The following GPD1L variants were observed in gnomAD, a reference collection of about 807,000 sequenced individuals.
The protein encoded by GPD1L is glycerol-3-phosphate dehydrogenase 1-like protein.
Under a neutral mutation model 32.9 loss-of-function variants are expected in GPD1L, and 17 were observed. That is an observed-to-expected ratio of 0.52 (90% CI 0.35 to 0.78). The LOEUF (loss-of-function observed/expected upper bound fraction) is 0.78. Among genes scored for constraint, GPD1L ranks in the 30% least tolerant of loss-of-function variants. GPD1L has a pLI of 0.01. For missense variants in GPD1L, 361 were observed against 447.8 expected, an observed-to-expected ratio of 0.81 and a Z score of 1.75; for synonymous variants, 187 against 165.9, an observed-to-expected ratio of 1.13 and a Z score of -0.98.
intron 4 of GPD1L, 57 bp from the exon 5 acceptor site, chr3:32,146,565 G>A (rs751143577): frequency 1.3e-5 from 12 of 937,970 alleles, no homozygotes; most frequent in South Asian, 1.0e-4. Flanking sequence ...TGTATTAGGT[G>A]TGAAAATTAA....
At chr3:32,112,225 C>G (rs1700262934) in intron 1 of GPD1L, among the ~76,000 whole-genome samples, 1 of 150,786 alleles carries the variant, frequency 6.6e-6, no homozygotes, top group Non-Finnish European at 1.5e-5. Flanking sequence ...TGCCTATAAC[C>G]TCAATACTTT....
Position 32,106,722 on chromosome 3 carries a change from C to T in GPD1L, c.11C>T (p.Ala4Val), listed in dbSNP as rs201152084. 3.1e-5 allele frequency: 48 copies of T among 1,563,388 alleles called. No individual in the cohort carries two copies. The highest frequency in any genetic ancestry group is 4.0e-5 in the Non-Finnish European group (46 of 1,155,962). MAA[A>V]PLKVCIVGSG... ...ACATTCGGCCCGGCCATGGCAGCGG[C>T]GCCCCTGAAAGTGTGCATCGTGGGC... is the stretch of plus-strand genomic sequence containing the variant. The change falls in exon 1 of 8, where the codon GCG becomes GTG. Residue 4 changes from alanine to valine, a missense_variant. Coordinates refer to ENST00000282541, the MANE Select transcript of GPD1L (RefSeq NM_015141.4). The surrounding 1 kb of genome is among the most constrained non-coding windows in gnomAD (Gnocchi z 4.0).
intron 1 of GPD1L, among the ~76,000 whole-genome samples, chr3:32,112,682 A>C (rs1040985193): frequency 2.0e-5 from 3 of 152,218 alleles, no homozygotes; most frequent in Non-Finnish European, 4.4e-5. Flanking sequence ...TCTAGGAATG[A>C]GTCGAGAGCT....
chr3:32,114,649 G>A (rs770521487), intron 1 of GPD1L, among the ~76,000 whole-genome samples: 14 of 152,186 alleles, frequency 9.2e-5, no homozygotes, highest in Admixed American at 9.2e-4. Context: ...TCCGGACTTG[G>A]TTCCTTCCGG....
At chr3:32,117,844 C>A (rs1333671058) in intron 1 of GPD1L, among the ~76,000 whole-genome samples, 1 of 152,188 alleles carries the variant, frequency 6.6e-6, no homozygotes, top group African/African-American at 2.4e-5. Context: ...CAGGTAGATT[C>A]TCCTGCTACC....
chr3:32,128,147 T>G lies in GPD1L; in HGVS notation c.119T>G (p.Met40Arg), dbSNP rs1700538814. The G allele has an allele frequency of 1.9e-6, 3 of 1,611,830 alleles. No individual in the cohort carries two copies. Among genetic ancestry groups the G allele is most frequent in the Non-Finnish European group, 2.5e-6 (3 of 1,177,896 alleles). The change falls in exon 2 of 8, where the codon ATG (methionine) becomes AGG (arginine). Residue 40 changes from methionine to arginine, a missense_variant. Coordinates refer to ENST00000282541, the MANE Select transcript of GPD1L (RefSeq NM_015141.4). ...KLQKFASTVK[M>R]WVFEETVNGR... ...CAGAAATTTGCCTCCACAGTCAAGA[T>G]GTGGGTCTTTGAAGAAACAGTGAAT...
chr3:32,119,973 A>G (rs188043470), intron 1 of GPD1L, among the ~76,000 whole-genome samples: 2 of 152,336 alleles, frequency 1.3e-5, no homozygotes, highest in South Asian at 2.1e-4. Context: ...TCAACCTAAA[A>G]TAATCAAAAA....
chr3:32,140,214 T>C lies in GPD1L; in HGVS notation c.367-14T>C. 1 of 1,613,960 alleles carries C rather than the reference T, an allele frequency of 6.2e-7. No individual in the cohort carries two copies. The highest frequency in any genetic ancestry group is 8.5e-7 in the Non-Finnish European group (1 of 1,179,948). On this transcript the variant is annotated splice_polypyrimidine_tract_variant and intron_variant, in intron 3 of 7. Transcript: ENST00000282541. ...GGCGGTTTGTTCTCTCCTAACTTCT[T>C]GGCATCCTTGTAGGGCATAGACGAG... is the stretch of plus-strand genomic sequence containing the variant.
At chr3:32,129,400 A>G (rs1174202844) in intron 2 of GPD1L, among the ~76,000 whole-genome samples, 2 of 152,190 alleles carry the variant, frequency 1.3e-5, no homozygotes, top group African/African-American at 4.8e-5. Flanking sequence ...TTTTAGTTAC[A>G]GTGTTCGTTA....
chr3:32,112,530 G>T (rs540762717), intron 1 of GPD1L, among the ~76,000 whole-genome samples: 2 of 152,122 alleles, frequency 1.3e-5, no homozygotes, highest in African/African-American at 4.8e-5. Flanking sequence ...CCACCCACTT[G>T]GGAGGCTAAG....
chr3:32,129,253 C>T (rs1479719735), intron 2 of GPD1L, among the ~76,000 whole-genome samples: 1 of 152,154 alleles, frequency 6.6e-6, no homozygotes, highest in African/African-American at 2.4e-5. Flanking sequence ...ATTCACTCAC[C>T]AAACCTTATG....
At chr3:32,110,598 G>A (rs772603790) in intron 1 of GPD1L, among the ~76,000 whole-genome samples, 1 of 152,232 alleles carries the variant, frequency 6.6e-6, no homozygotes, top group East Asian at 1.9e-4. Context: ...CAGCCAGGAA[G>A]GTCCTGGGCA....
At chr3:32,121,770 T>C (rs1191708045) in intron 1 of GPD1L, among the ~76,000 whole-genome samples, 1 of 139,658 alleles carries the variant, frequency 7.2e-6, no homozygotes, top group African/African-American at 2.6e-5. Context: ...TATATTTCTA[T>C]ATATATATAT....
At chr3:32,149,730 G>C (rs76225107) in intron 5 of GPD1L, among the ~76,000 whole-genome samples, 1 of 152,064 alleles carries the variant, frequency 6.6e-6, no homozygotes, top group African/African-American at 2.4e-5. Context: ...GGTGGATCAC[G>C]TGAGTATGGG....
chr3:32,138,634 G>A lies in GPD1L; in HGVS notation c.273G>A (p.Leu91=). The part of the protein sequence containing the change: ...LSEAVQDADL[L]VFVIPHQFIH... ...AGGCTGTGCAGGATGCAGACCTGCTGGTGTTTGTCATTCCCCACCAGTTCA... is the reference window on the plus strand; with the variant it reads ...AGGCTGTGCAGGATGCAGACCTGCTAGTGTTTGTCATTCCCCACCAGTTCA... The change falls in exon 3 of 8, where the codon CTG becomes CTA. Residue 91 remains leucine (L), a synonymous_variant. Transcript: ENST00000282541. The A allele has an allele frequency of 6.2e-7, 1 of 1,613,856 alleles. No individual in the cohort carries two copies. Among genetic ancestry groups the A allele is most frequent in the Non-Finnish European group, 8.5e-7 (1 of 1,179,800 alleles).
At position 32,117,315 on chromosome 3, in the gene GPD1L, T is replaced by A. The variant is rs181954763; in HGVS notation, c.47+10557T>A. Among the ~76,000 whole-genome samples, 9 of 152,356 alleles carry A rather than the reference T, an allele frequency of 5.9e-5. No individual in the cohort carries two copies. The East Asian group carries it at 1.3e-3, about 23-fold the overall frequency. On this transcript the variant is annotated intron_variant, in intron 1 of 7. Coordinates refer to ENST00000282541, the MANE Select transcript of GPD1L (RefSeq NM_015141.4). Reference sequence around the variant, plus strand: ...AGCCAGAACAATACATGAGAAATAATTTAGTCATGATTTCTTATTTCATTT... The same window carrying A: ...AGCCAGAACAATACATGAGAAATAAATTAGTCATGATTTCTTATTTCATTT...
intron 1 of GPD1L, among the ~76,000 whole-genome samples, chr3:32,111,796 G>C (rs1373172128): frequency 6.6e-6 from 1 of 151,724 alleles, no homozygotes; most frequent in Non-Finnish European, 1.5e-5. Context: ...GATGACTGAA[G>C]CTGGACCTGT....
At chr3:32,115,083 A>G (rs996936208) in intron 1 of GPD1L, among the ~76,000 whole-genome samples, 1 of 152,246 alleles carries the variant, frequency 6.6e-6, no homozygotes, top group Non-Finnish European at 1.5e-5. Flanking sequence ...TGGGGTGGCC[A>G]GCTTCTATTC....
Position 32,134,610 on chromosome 3 carries a change from C to G in GPD1L, c.226-3977C>G, listed in dbSNP as rs150081902. Among the ~76,000 whole-genome samples the G allele has an allele frequency of 5.8e-3, 889 of 152,290 alleles. 9 individuals carry two copies. Among genetic ancestry groups the G allele is most frequent in the African/African-American group, 0.02 (816 of 41,560 alleles). ...CAAGTGATCCTCCCACCTCAACTTC[C>G]CAAGTAGCTGGGACCACAGGCACTC... is the stretch of plus-strand genomic sequence containing the variant. On this transcript the variant is annotated intron_variant, in intron 2 of 7. Coordinates refer to ENST00000282541, the MANE Select transcript of GPD1L (RefSeq NM_015141.4).
Sources: allele counts gnomAD v4.1 joint callset (sites outside exome capture counted in the v4.1 genomes callset), GRCh38; gene constraint gnomAD v4.1.1; non-coding constraint Gnocchi (gnomAD v3.1); transcripts MANE v1.5; gene names NCBI Gene and HGNC (gene_info 2026-07-23, HGNC 2026-07-21).